The following ANKRD18B variants were observed in gnomAD, a reference collection of about 807,000 sequenced individuals.
The protein encoded by ANKRD18B is ankyrin repeat domain 18B.
In ANKRD18B, 75 loss-of-function variants were observed where a neutral mutation model predicts 111.8. The ratio of observed to expected loss-of-function variants is 0.67; its 90% CI spans 0.56 to 0.81. The LOEUF (loss-of-function observed/expected upper bound fraction) is 0.81, where lower values mean the gene tolerates loss of function less well. Among genes scored for constraint, ANKRD18B ranks in the 40% least tolerant of loss-of-function variants. The pLI, the probability that ANKRD18B is intolerant of heterozygous loss-of-function variation, is 0.00. For synonymous variants in ANKRD18B, 356 were observed against 417.3 expected, an observed-to-expected ratio of 0.85 and a Z score of 1.79; for missense variants, 1,038 against 1,225.5, an observed-to-expected ratio of 0.85 and a Z score of 2.28.
intron 11 of ANKRD18B, among the ~76,000 whole-genome samples, chr9:33,549,129 A>G (rs1169873046): frequency 6.6e-6 from 1 of 152,186 alleles, no homozygotes; most frequent in Non-Finnish European, 1.5e-5. Flanking sequence ...GTTGGATTGT[A>G]GAGATGGTTG....
chr9:33,543,019 G>T lies in ANKRD18B; in HGVS notation c.1079-166G>T, dbSNP rs146034147. On this transcript the variant is annotated intron_variant, in intron 9 of 18. Transcript: ENST00000684830. ...CCCCAAGTGGTTTGTTAAAGTTTTA[G>T]ATAATTAGAAATGTTTCTTAAAAAT... Among the ~76,000 whole-genome samples, 8 of 151,992 alleles carry T rather than the reference G, an allele frequency of 5.3e-5. No individual in the cohort carries two copies. The East Asian group carries it at 1.5e-3, about 29-fold the overall frequency.
intron 3 of ANKRD18B, among the ~76,000 whole-genome samples, chr9:33,531,490 C>T (rs1828115995): frequency 6.6e-6 from 1 of 151,258 alleles, no homozygotes; most frequent in Non-Finnish European, 1.5e-5. Flanking sequence ...AAGTCTGGAC[C>T]TCAGGCTTAA....
At chr9:33,566,168 G>C in intron 14 of ANKRD18B, 51 bp from the exon 15 acceptor site, 1 of 1,467,058 alleles carries the variant, frequency 6.8e-7, no homozygotes. Context: ...TTTTGTATTA[G>C]ATTATTCTCA....
chr9:33,534,738 G>C (rs1206416561), intron 5 of ANKRD18B, among the ~76,000 whole-genome samples: 3 of 151,756 alleles, frequency 2.0e-5, no homozygotes, highest in Non-Finnish European at 2.9e-5. Context: ...CCCTAGGAAT[G>C]TCAGTGTTGT....
chr9:33,563,408 C>G (rs984003962), intron 14 of ANKRD18B, among the ~76,000 whole-genome samples: 10 of 152,166 alleles, frequency 6.6e-5, no homozygotes, highest in African/African-American at 2.4e-4. Context: ...ATGGTTGATG[C>G]TGGCCATTGG....
intron 16 of ANKRD18B, 82 bp downstream of exon 16, chr9:33,567,396 C>T: frequency 8.2e-7 from 1 of 1,217,524 alleles, no homozygotes. Context: ...GAGATGGCTT[C>T]AGGAGATCAG....
At chr9:33,535,701 T>C (rs1299598859) in intron 5 of ANKRD18B, among the ~76,000 whole-genome samples, 1 of 147,042 alleles carries the variant, frequency 6.8e-6, no homozygotes, top group Non-Finnish European at 1.5e-5. Flanking sequence ...TATGTAATTA[T>C]ATTATTTTTA....
At chr9:33,529,883 A>G (rs185645555) in intron 3 of ANKRD18B, among the ~76,000 whole-genome samples, 41 of 152,328 alleles carry the variant, frequency 2.7e-4, no homozygotes, top group African/African-American at 9.4e-4. Flanking sequence ...AAAGGGTGGA[A>G]CAAATTAGTA....
chr9:33,531,802 CT>C lies in ANKRD18B; in HGVS notation c.496-1630del, dbSNP rs985767578. 5.0e-4 allele frequency among the ~76,000 whole-genome samples: 75 copies of C among 151,072 alleles called. 2 individuals carry two copies. The Middle Eastern group carries it at 0.014, about 27-fold the overall frequency. ...TTAGAATTCAGAAGTTTTTTTAACT[CT>C]TTTTTTATATCTATACCACAAATAG... is the stretch of plus-strand genomic sequence containing the variant. On this transcript the variant is annotated intron_variant, in intron 3 of 18. Coordinates refer to ENST00000684830, the MANE Select transcript of ANKRD18B (RefSeq NM_001393611.1).
At chr9:33,571,487 G>A (rs1187947878) in intron 18 of ANKRD18B, 196 bp downstream of exon 18, 1 of 169,166 alleles carries the variant, frequency 5.9e-6, no homozygotes, top group African/African-American at 2.4e-5. Flanking sequence ...AATTCATCAT[G>A]TTCCATAGCT....
downstream of ANKRD18B, among the ~76,000 whole-genome samples, chr9:33,574,948 G>T (rs1828839733): frequency 6.6e-6 from 1 of 152,096 alleles, no homozygotes; most frequent in Non-Finnish European, 1.5e-5. Flanking sequence ...CTCTGTGAGT[G>T]GCTCTGCGTG....
intron 12 of ANKRD18B, among the ~76,000 whole-genome samples, chr9:33,554,217 AG>A (rs1828489968): frequency 6.6e-6 from 1 of 151,964 alleles, no homozygotes. Flanking sequence ...GAAAGGACAA[AG>A]CAAAGTATAC....
chr9:33,574,881 C>T (rs546033927), downstream of ANKRD18B, among the ~76,000 whole-genome samples: 2 of 152,332 alleles, frequency 1.3e-5, no homozygotes, highest in East Asian at 3.9e-4. Flanking sequence ...CACGATGTCA[C>T]TCTTGCTGAG....
chr9:33,534,290 A>T (rs1396552037), intron 4 of ANKRD18B, 80 bp from the exon 5 acceptor site: 1 of 1,461,386 alleles, frequency 6.8e-7, no homozygotes, highest in Non-Finnish European at 9.0e-7. Context: ...CAAGATATGA[A>T]ATTGGTAAAG....
At chr9:33,538,746 A>G (rs1233880065) in intron 6 of ANKRD18B, among the ~76,000 whole-genome samples, 1 of 151,948 alleles carries the variant, frequency 6.6e-6, no homozygotes, top group South Asian at 2.1e-4. Context: ...AAAAAAAAAT[A>G]CTCTGTTACC....
intron 13 of ANKRD18B, among the ~76,000 whole-genome samples, chr9:33,556,737 CCTT>C (rs766870695): frequency 5.3e-5 from 8 of 152,020 alleles, no homozygotes; most frequent in Non-Finnish European, 1.0e-4. Context: ...CTATTTGTGT[CCTT>C]CTTTAACATC....
At chr9:33,557,782 C>G (rs1373393701) in intron 13 of ANKRD18B, among the ~76,000 whole-genome samples, 1 of 151,652 alleles carries the variant, frequency 6.6e-6, no homozygotes, top group Non-Finnish European at 1.5e-5. Context: ...GAGTGAAGTT[C>G]CATCTCAAAA....
intron 3 of ANKRD18B, among the ~76,000 whole-genome samples, chr9:33,529,494 C>T (rs1828080361): frequency 6.6e-6 from 1 of 152,092 alleles, no homozygotes; most frequent in Non-Finnish European, 1.5e-5. Flanking sequence ...TGGAAATAGG[C>T]TTTATCTTAA....
chr9:33,565,488 A>G (rs1828671459), intron 14 of ANKRD18B, among the ~76,000 whole-genome samples: 1 of 152,132 alleles, frequency 6.6e-6, no homozygotes, highest in Admixed American at 6.5e-5. Flanking sequence ...TTTTTGAGAT[A>G]TGGTCTTTGT....
Sources: gnomAD v4.1 joint callset for allele counts (sites outside exome capture counted in the v4.1 genomes callset) on GRCh38, gnomAD v4.1.1 for gene constraint, MANE v1.5 for transcripts, NCBI Gene and HGNC (gene_info 2026-07-23, HGNC 2026-07-21) for gene names.